The following DNAH14 variants were observed in gnomAD, a reference collection of about 807,000 sequenced individuals.
The protein encoded by DNAH14 is dynein axonemal heavy chain 14.
Under a neutral mutation model 520.9 loss-of-function variants are expected in DNAH14, and 478 were observed. The observed-to-expected ratio is 0.92, with a 90% CI of 0.85 to 0.99. DNAH14 has a LOEUF of 0.99. DNAH14 is among the 50% of genes least tolerant of loss of function. DNAH14 has a pLI of 0.00. For missense variants in DNAH14, 4,831 were observed against 5,234.5 expected (o/e 0.92, Z 2.38); for synonymous variants, 1,581 against 1,757.2 (o/e 0.90, Z 2.51).
At chr1:225,105,270 A>G (rs6701867) in intron 23 of DNAH14, among the ~76,000 whole-genome samples, 1 of 151,758 alleles carries the variant, frequency 6.6e-6, no homozygotes, top group Non-Finnish European at 1.5e-5. Context: ...ATAATTTCTG[A>G]TCTTTTACAT....
chr1:225,125,319 T>C (rs556769888), intron 27 of DNAH14, among the ~76,000 whole-genome samples: 197 of 152,290 alleles, frequency 1.3e-3, no homozygotes, highest in Non-Finnish European at 2.0e-3. Context: ...ACTACAAAAG[T>C]CTTGGATGGC....
Position 224,975,490 on chromosome 1 carries a change from C to G in DNAH14, c.830+1337C>G, listed in dbSNP as rs1255114605. The stretch of plus-strand genomic sequence containing the variant: ...GTGTCGAGGAATTTATCCATTTCTT[C>G]TAGATTTTCTAGTTTATTTGCGTAG... On this transcript the variant is annotated intron_variant, in intron 8 of 85. Coordinates refer to ENST00000682510, the MANE Select transcript of DNAH14 (RefSeq NM_001367479.1). 2.0e-4 allele frequency among the ~76,000 whole-genome samples: 30 copies of G among 152,112 alleles called. No homozygotes were observed. In the South Asian group the frequency reaches 6.0e-3, roughly 31 times the overall value.
At chr1:224,940,613 T>C (rs2059352694) in intron 1 of DNAH14, among the ~76,000 whole-genome samples, 1 of 152,276 alleles carries the variant, frequency 6.6e-6, no homozygotes, top group East Asian at 1.9e-4. Context: ...GTTGGTGTGC[T>C]GCACCCATTA....
At position 225,354,039 on chromosome 1, in the gene DNAH14, TC is replaced by T. The variant is rs1452270412; in HGVS notation, c.11619+155del. ...AATAGGAGAGGGAAGCACCTACGCC[TC>T]CCCTTAATGCTTCTTTCATGTGGAG... is the stretch of plus-strand genomic sequence containing the variant. On this transcript the variant is annotated intron_variant, in intron 73 of 85. Coordinates refer to ENST00000682510, the MANE Select transcript of DNAH14 (RefSeq NM_001367479.1). The T allele has an allele frequency of 4.5e-6, 3 of 665,542 alleles. No individual in the cohort carries two copies. The African/African-American group carries it at 5.4e-5, about 12-fold the overall frequency. The allele number at this position is 665,542 out of a possible 1,614,324, so 41.2% of individuals were successfully genotyped here.
chr1:225,318,694 T>C lies in DNAH14; in HGVS notation c.9335+17T>C. On this transcript the variant is annotated intron_variant, in intron 61 of 85. Coordinates refer to ENST00000682510, the MANE Select transcript of DNAH14 (RefSeq NM_001367479.1). ...TGAATTAAGGTAACTCTCCTAAGTT[T>C]CGTTTGAGTTGGAAAAGCTCAGAAA... The C allele has an allele frequency of 6.5e-7, 1 of 1,531,672 alleles. No homozygotes were observed. Among genetic ancestry groups the C allele is most frequent in the Non-Finnish European group, 8.8e-7 (1 of 1,139,402 alleles). 94.9% of individuals were successfully genotyped at this position (1,531,672 alleles called of 1,614,324 possible). A position where few individuals can be genotyped will look rare whatever the true frequency, so the allele number is the denominator to read the frequency against.
chr1:225,372,407 A>T (rs2095629679), intron 77 of DNAH14, among the ~76,000 whole-genome samples: 1 of 152,176 alleles, frequency 6.6e-6, no homozygotes, highest in African/African-American at 2.4e-5. Flanking sequence ...GACATAGTTG[A>T]GGGTGCAAAA....
chr1:225,303,264 T>A lies in DNAH14; in HGVS notation c.8740T>A (p.Trp2914Arg), dbSNP rs2094173947. The change falls in exon 57 of 86, where the codon TGG becomes AGG. Residue 2914 changes from tryptophan (W) to arginine (R), a missense_variant. Physicochemically the swap from Trp to Arg is moderately radical, Grantham distance 101 (BLOSUM62 -3). Transcript: ENST00000682510. ...PSMISSCTID[W>R]YERWPEEALL... ...TATGATTAGCTCCTGCACGATCGAT[T>A]GGTATGAGAGGTGGCCAGAAGAAGC... The A allele has an allele frequency of 6.4e-7, 1 of 1,551,444 alleles. No individual in the cohort carries two copies. The highest frequency in any genetic ancestry group is 1.2e-5 in the South Asian group (1 of 84,022).
chr1:225,151,310 C>A (rs1368489090), intron 31 of DNAH14, among the ~76,000 whole-genome samples: 1 of 151,394 alleles, frequency 6.6e-6, no homozygotes, highest in East Asian at 1.9e-4. Context: ...TTACAGGACT[C>A]ATAAATCTGT....
rs1295846104 is a variant in DNAH14, at chr1:225,337,300, G to A, written c.10115G>A (p.Gly3372Asp). 9.0e-6 allele frequency: 14 copies of A among 1,551,828 alleles called. No individual in the cohort carries two copies. Among genetic ancestry groups the A allele is most frequent in the Admixed American group, 3.9e-5 (2 of 50,978 alleles). The change falls in exon 67 of 86, where the codon GGT becomes GAT. Residue 3372 changes from glycine to aspartate, a missense_variant. Coordinates refer to ENST00000682510, the MANE Select transcript of DNAH14 (RefSeq NM_001367479.1). ...SRWHNQGLPH[G>D]QYSVENAILI... ...TGGCATAATCAGGGACTGCCTCATG[G>A]TCAGTATTCAGTAGAGAATGCCATC...
chr1:225,275,138 C>T (rs1414844001), intron 52 of DNAH14, among the ~76,000 whole-genome samples: 10 of 152,166 alleles, frequency 6.6e-5, no homozygotes, highest in African/African-American at 2.2e-4. Flanking sequence ...CATATATTTT[C>T]GAATTATCAT....
At chr1:224,948,316 C>T (rs909280719) in intron 1 of DNAH14, among the ~76,000 whole-genome samples, 13 of 151,534 alleles carry the variant, frequency 8.6e-5, no homozygotes, top group African/African-American at 3.1e-4. Flanking sequence ...AATTTAGTCA[C>T]TATGTAGTGA....
chr1:224,983,081 G>A (rs1375458400), intron 8 of DNAH14, among the ~76,000 whole-genome samples: 1 of 152,120 alleles, frequency 6.6e-6, no homozygotes, highest in Non-Finnish European at 1.5e-5. Context: ...TTGTGTTGCT[G>A]TCTATCTCAT....
At chr1:224,987,215 T>C (rs1298151126) in intron 8 of DNAH14, among the ~76,000 whole-genome samples, 1 of 152,010 alleles carries the variant, frequency 6.6e-6, no homozygotes, top group Non-Finnish European at 1.5e-5. Flanking sequence ...ATAGTATAGT[T>C]CCCCTTCTAG....
At chr1:225,272,682 G>A (rs1379844142) in intron 51 of DNAH14, among the ~76,000 whole-genome samples, 2 of 152,032 alleles carry the variant, frequency 1.3e-5, no homozygotes, top group Admixed American at 6.6e-5. Context: ...CACTGTAGTC[G>A]AGACTCCCAT....
At chr1:225,075,959 C>T (rs1237030026) in intron 17 of DNAH14, among the ~76,000 whole-genome samples, 1 of 52,020 alleles carries the variant, frequency 1.9e-5, no homozygotes, top group Non-Finnish European at 7.0e-5. Context: ...CATGGGCCAG[C>T]TTGCTGCTAC....
In DNAH14 at chr1:224,944,315, A is replaced by C. The variant is rs139787597; in HGVS notation, c.-33-8355A>C. On this transcript the variant is annotated intron_variant, in intron 1 of 85. Transcript: ENST00000682510. ...CTATTTTATCTGAGACTAGGATTGC[A>C]ACCCCTTTTTTTGTTTTCCATTTGC... 5.0e-3 allele frequency among the ~76,000 whole-genome samples: 766 copies of C among 152,058 alleles called. 6 individuals carry two copies. The highest frequency in any genetic ancestry group is 0.017 in the African/African-American group (723 of 41,508).
Position 225,304,799 on chromosome 1 carries a change from A to T in DNAH14, c.8824-109A>T. Reference sequence around the variant, plus strand: ...ATCCGGGAGCTCTCTCTACATCTCCACATCTCAGAAATAATAAGCTATTTT... The same window carrying T: ...ATCCGGGAGCTCTCTCTACATCTCCTCATCTCAGAAATAATAAGCTATTTT... On this transcript the variant is annotated intron_variant, in intron 57 of 85. Coordinates refer to ENST00000682510, the MANE Select transcript of DNAH14 (RefSeq NM_001367479.1). The T allele has an allele frequency of 3.8e-6, 4 of 1,062,742 alleles. No homozygotes were observed. In the South Asian group the frequency reaches 5.6e-5, roughly 15 times the overall value. 65.8% of individuals were successfully genotyped at this position (1,062,742 alleles called of 1,614,324 possible).
intron 54 of DNAH14, among the ~76,000 whole-genome samples, chr1:225,287,084 G>A (rs2093764137): frequency 6.6e-6 from 1 of 152,116 alleles, no homozygotes; most frequent in Admixed American, 6.6e-5. Flanking sequence ...TGGAAAGAAA[G>A]TGAAACACAA....
At chr1:225,347,731 C>T (rs557686043) in intron 71 of DNAH14, among the ~76,000 whole-genome samples, 6 of 152,122 alleles carry the variant, frequency 3.9e-5, no homozygotes, top group African/African-American at 9.6e-5. Context: ...TTCCCCTGCA[C>T]GAAGCCAATA....
Sources: gnomAD v4.1 joint callset for allele counts (sites outside exome capture counted in the v4.1 genomes callset) on GRCh38, gnomAD v4.1.1 for gene constraint, MANE v1.5 for transcripts, NCBI Gene and HGNC (gene_info 2026-07-23, HGNC 2026-07-21) for gene names.